Variants in MYOM2 observed in about 807,000 individuals in gnomAD.
The protein encoded by MYOM2 is myomesin-2.
MYOM2 carries 254 observed loss-of-function variants against 187.6 expected under a neutral mutation model. The ratio of observed to expected loss-of-function variants is 1.35; its 90% CI spans 1.22 to 1.50. The LOEUF is 1.50. MYOM2 is among the 40% of genes most tolerant of loss of function. The pLI is 0.00. For synonymous variants in MYOM2, 981 were observed against 753.8 expected (o/e 1.30, Z -4.94); for missense variants, 2,796 against 1,924.0 (o/e 1.45, Z -8.48).
chr8:2,050,304 C>G (rs142494334), intron 1 of MYOM2, among the ~76,000 whole-genome samples: 1 of 152,310 alleles, frequency 6.6e-6, no homozygotes, highest in African/African-American at 2.4e-5. Context: ...GCCACTCGGC[C>G]GTCCTGGCCT....
chr8:2,061,778 G>A (rs1224331012), intron 6 of MYOM2, among the ~76,000 whole-genome samples: 3 of 152,230 alleles, frequency 2.0e-5, no homozygotes, highest in African/African-American at 4.8e-5. Flanking sequence ...AGATAAATCC[G>A]GGTTTCTCTA....
At chr8:2,088,082 G>A (rs1359324623) in intron 14 of MYOM2, among the ~76,000 whole-genome samples, 3 of 151,892 alleles carry the variant, frequency 2.0e-5, no homozygotes, top group East Asian at 1.9e-4. Flanking sequence ...TAGTTATTGG[G>A]TACAGGGGGT....
chr8:2,133,469 G>A (rs1170759439), intron 32 of MYOM2, among the ~76,000 whole-genome samples: 1 of 152,110 alleles, frequency 6.6e-6, no homozygotes, highest in Non-Finnish European at 1.5e-5. Context: ...CCATCTACCT[G>A]CCTCCGACAG....
Position 2,120,680 on chromosome 8 carries a change from T to TATATATATATATATATA in MYOM2, c.3454-2572_3454-2571insATATATATATATATATA. On this transcript the variant is annotated intron_variant, in intron 28 of 36. Coordinates refer to ENST00000262113, the MANE Select transcript of MYOM2 (RefSeq NM_003970.4). ...CCTGTATATATATATATATATTATA[T>TATATATATATATATATA]TATATATAAATATATAATATATATA... Among the ~76,000 whole-genome samples the TATATATATATATATATA allele has an allele frequency of 4.5e-3, 216 of 48,182 alleles. 13 individuals are homozygous for TATATATATATATATATA. The highest frequency in any genetic ancestry group is 0.012 in the Middle Eastern group (1 of 86). The allele number at this position is 48,182 out of a possible 152,430, so 31.6% of individuals were successfully genotyped here.
chr8:2,077,388 A>G (rs745826482), intron 11 of MYOM2, among the ~76,000 whole-genome samples: 1 of 152,174 alleles, frequency 6.6e-6, no homozygotes, highest in Non-Finnish European at 1.5e-5. Context: ...GAAATGCAAA[A>G]TTTTATATGT....
intron 28 of MYOM2, among the ~76,000 whole-genome samples, chr8:2,118,184 A>G (rs1011151366): frequency 2.6e-5 from 4 of 152,166 alleles, no homozygotes; most frequent in Non-Finnish European, 4.4e-5. Context: ...GTGGGATGCA[A>G]TGGAAGGTTG....
chr8:2,123,472 A>G (rs1466698322), intron 29 of MYOM2, 83 bp from the exon 30 acceptor site: 2 of 1,486,126 alleles, frequency 1.3e-6, no homozygotes, highest in Non-Finnish European at 1.9e-6. Flanking sequence ...GGTGGTTTGC[A>G]AAGAAAATGT....
At chr8:2,070,791 A>ATTAACCATTGTACATAACACAATG (rs1819187810) in intron 8 of MYOM2, among the ~76,000 whole-genome samples, 1 of 152,200 alleles carries the variant, frequency 6.6e-6, no homozygotes, top group African/African-American at 2.4e-5. Context: ...ATAACACGAC[A>ATTAACCATTGTACATAACACAATG]TTAACCATTG....
chr8:2,062,392 G>A (rs1264336104), intron 6 of MYOM2, among the ~76,000 whole-genome samples: 1 of 152,172 alleles, frequency 6.6e-6, no homozygotes, highest in African/African-American at 2.4e-5. Flanking sequence ...GCCTGGGAGC[G>A]GGAGGGAGCA....
At chr8:2,095,604 A>G (rs1208524239) in intron 17 of MYOM2, among the ~76,000 whole-genome samples, 3 of 152,090 alleles carry the variant, frequency 2.0e-5, no homozygotes, top group Non-Finnish European at 2.9e-5. Context: ...TTTTTATTCT[A>G]TGATAAGAAT....
intron 8 of MYOM2, among the ~76,000 whole-genome samples, chr8:2,071,215 G>A (rs538073217): frequency 6.6e-6 from 1 of 151,152 alleles, no homozygotes; most frequent in Non-Finnish European, 1.5e-5. Context: ...GGTTGTTCTC[G>A]AACTCCTGGG....
chr8:2,132,423 G>C (rs1221823948), intron 32 of MYOM2, among the ~76,000 whole-genome samples: 2 of 152,310 alleles, frequency 1.3e-5, no homozygotes, highest in South Asian at 2.1e-4. Context: ...AGGCAAAGAG[G>C]AATTCAGTAA....
intron 19 of MYOM2, among the ~76,000 whole-genome samples, chr8:2,099,969 C>T (rs1304848120): frequency 6.6e-6 from 1 of 152,030 alleles, no homozygotes; most frequent in Non-Finnish European, 1.5e-5. Context: ...GATGAATAAG[C>T]CAATTAGAAA....
At chr8:2,100,010 TC>T (rs1437643705) in intron 19 of MYOM2, among the ~76,000 whole-genome samples, 5 of 107,464 alleles carry the variant, frequency 4.7e-5, no homozygotes, top group East Asian at 8.1e-4. Flanking sequence ...CTTCCTTCCT[TC>T]CTTTCTTTCC....
chr8:2,073,546 G>A lies in MYOM2; in HGVS notation c.1120+46G>A, dbSNP rs540611905. ...AGGGTGCAGACCTTGTGTGTGCCCG[G>A]GGAGGGGAGGCAGCCCTGGGAGGAG... On this transcript the variant is annotated intron_variant, in intron 10 of 36. Coordinates refer to ENST00000262113, the MANE Select transcript of MYOM2 (RefSeq NM_003970.4). 1.5e-4 allele frequency: 237 copies of A among 1,538,808 alleles called. 2 individuals carry two copies. In the South Asian group the frequency reaches 2.7e-3, roughly 18 times the overall value.
intron 8 of MYOM2, among the ~76,000 whole-genome samples, chr8:2,071,622 G>A (rs985785733): frequency 2.0e-5 from 3 of 152,156 alleles, no homozygotes; most frequent in African/African-American, 4.8e-5. Flanking sequence ...CAGGTTCTCA[G>A]CCCTGCCTCT....
chr8:2,114,072 G>T (rs73169411), intron 25 of MYOM2, among the ~76,000 whole-genome samples: 4 of 152,042 alleles, frequency 2.6e-5, no homozygotes, highest in Non-Finnish European at 4.4e-5. Flanking sequence ...AGCCTCACCC[G>T]GGGGCATCAG....
intron 6 of MYOM2, among the ~76,000 whole-genome samples, chr8:2,064,038 G>C (rs368750119): frequency 1.3e-5 from 2 of 152,174 alleles, no homozygotes; most frequent in East Asian, 1.9e-4. Flanking sequence ...GGAAGACGGG[G>C]GTCCTTTGGA....
intron 27 of MYOM2, among the ~76,000 whole-genome samples, chr8:2,117,035 T>C (rs1797272428): frequency 6.6e-6 from 1 of 152,242 alleles, no homozygotes; most frequent in Non-Finnish European, 1.5e-5. Flanking sequence ...AGTGCTGGGA[T>C]TACAGGGGTG....
Sources: allele counts gnomAD v4.1 joint callset (sites outside exome capture counted in the v4.1 genomes callset), GRCh38; gene constraint gnomAD v4.1.1; transcripts MANE v1.5; gene names NCBI Gene and HGNC (gene_info 2026-07-23, HGNC 2026-07-21).